The following LMO2 variants were observed in gnomAD, a reference collection of about 807,000 sequenced individuals.
LMO2 encodes LIM domain only 2.
Under a neutral mutation model 23.2 loss-of-function variants are expected in LMO2, and 20 were observed. That is an observed-to-expected ratio of 0.86 (90% CI 0.61 to 1.25). The LOEUF is 1.25. Among genes scored for constraint, LMO2 ranks in the 50% most tolerant of loss-of-function variants. The pLI is 0.00. For synonymous variants in LMO2, 123 were observed against 130.2 expected, an observed-to-expected ratio of 0.94 and a Z score of 0.38; for missense variants, 270 against 315.3, an observed-to-expected ratio of 0.86 and a Z score of 1.09.
At chr11:33,882,863 G>C (rs186181133) in intron 1 of LMO2, among the ~76,000 whole-genome samples, 25 of 152,228 alleles carry the variant, frequency 1.6e-4, no homozygotes, top group African/African-American at 6.0e-4. Flanking sequence ...TTAGACCTAG[G>C]TCTTCTGACT....
At chr11:33,877,066 T>A (rs1279415954) in intron 2 of LMO2, among the ~76,000 whole-genome samples, 5 of 152,372 alleles carry the variant, frequency 3.3e-5, no homozygotes, top group African/African-American at 1.2e-4. Flanking sequence ...AGTGGAGTTC[T>A]GCCCTACAAG....
chr11:33,872,251 A>G (rs1857042313), intron 2 of LMO2, among the ~76,000 whole-genome samples: 2 of 152,232 alleles, frequency 1.3e-5, no homozygotes, highest in South Asian at 2.1e-4. Flanking sequence ...AGATCGCGCC[A>G]TTGCACTCCA....
intron 2 of LMO2, chr11:33,870,950 C>T: frequency 1.9e-6 from 1 of 536,232 alleles, no homozygotes; most frequent in Non-Finnish European, 2.4e-6. Context: ...CTCTCCTGGG[C>T]CTCAGAGTTC....
Sources: allele counts gnomAD v4.1 joint callset (sites outside exome capture counted in the v4.1 genomes callset), GRCh38; gene constraint gnomAD v4.1.1; transcripts MANE v1.5; gene names NCBI Gene and HGNC (gene_info 2026-07-23, HGNC 2026-07-21).